Variants in DNAH7 observed in about 807,000 individuals in gnomAD.
DNAH7 encodes the protein axonemal beta dynein heavy chain 7.
In DNAH7, 397 loss-of-function variants were observed where a neutral mutation model predicts 444.6. The ratio of observed to expected loss-of-function variants is 0.89; its 90% CI spans 0.82 to 0.97. DNAH7 has a LOEUF of 0.97. Ranked by LOEUF, DNAH7 falls within the 50% of genes least tolerant of loss-of-function variation. DNAH7 has a pLI of 0.00. For missense variants in DNAH7, 4,902 were observed against 4,800.8 expected, an observed-to-expected ratio of 1.02 and a Z score of -0.62; for synonymous variants, 1,636 against 1,624.4, an observed-to-expected ratio of 1.01 and a Z score of -0.17.
At chr2:195,820,774 A>T (rs1697429797) in intron 49 of DNAH7, among the ~76,000 whole-genome samples, 1 of 152,218 alleles carries the variant, frequency 6.6e-6, no homozygotes, top group African/African-American at 2.4e-5. Flanking sequence ...TAGAATTTTA[A>T]TTCGAATCAT....
In DNAH7 at chr2:195,809,871, C is replaced by T; in HGVS notation, c.9762G>A (p.Arg3254=). The T allele has an allele frequency of 6.5e-7, 1 of 1,543,872 alleles. No homozygotes were observed. The highest frequency in any genetic ancestry group is 2.0e-5 in the Admixed American group (1 of 49,598). ...NSEKSEILAK[R]LQILKDHFTY... is the part of the protein sequence containing the mutation. ...TAAAGTGATCCTTGAGAATCTGAAGCCTAAGGGTCAACAGAAAATAAAGGA... is the reference window on the plus strand; with the variant it reads ...TAAAGTGATCCTTGAGAATCTGAAGTCTAAGGGTCAACAGAAAATAAAGGA... Residue 3254 remains arginine (R), a splice_region_variant and synonymous_variant, in exon 52 of 65, where the codon AGG becomes AGA. Transcript: ENST00000312428.
At chr2:195,907,080 A>C in intron 25 of DNAH7, 71 bp from the exon 26 acceptor site, 1 of 1,192,874 alleles carries the variant, frequency 8.4e-7, no homozygotes, top group Non-Finnish European at 1.2e-6. Flanking sequence ...TTGTATTTTC[A>C]CCTGATCTTT....
At chr2:195,883,339 C>G (rs341950) in intron 35 of DNAH7, among the ~76,000 whole-genome samples, 1 of 151,764 alleles carries the variant, frequency 6.6e-6, no homozygotes, top group Non-Finnish European at 1.5e-5. Flanking sequence ...CCCAGCTACT[C>G]GGAGAGGCTG....
At position 195,777,958 on chromosome 2, in the gene DNAH7, T is replaced by G; in HGVS notation, c.10906A>C (p.Met3636Leu). ...EELPYEALRYMTGECNYGGRV... is the reference protein window; with the variant it reads ...EELPYEALRYLTGECNYGGRV... ...CCTCCGTAATTGCATTCGCCAGTCA[T>G]GTACCGCAGAGCCTCATACGGCAGT... is the stretch of plus-strand genomic sequence containing the variant. Residue 3636 changes from methionine to leucine, a missense_variant, in exon 59 of 65, where the codon ATG becomes CTG. By Grantham distance (15) the Met-to-Leu change is conservative (BLOSUM62 2). Coordinates refer to ENST00000312428, the MANE Select transcript of DNAH7 (RefSeq NM_018897.3). 1 of 1,613,834 alleles carries G rather than the reference T, an allele frequency of 6.2e-7. No homozygotes were observed. Among genetic ancestry groups the G allele is most frequent in the Non-Finnish European group, 8.5e-7 (1 of 1,179,780 alleles).
At chr2:195,785,113 G>A (rs1251377424) in intron 58 of DNAH7, among the ~76,000 whole-genome samples, 2 of 151,958 alleles carry the variant, frequency 1.3e-5, no homozygotes, top group South Asian at 2.1e-4. Context: ...GGGTTTCACC[G>A]TGTTAGTCAG....
chr2:195,846,212 T>TA (rs952239723), intron 46 of DNAH7, among the ~76,000 whole-genome samples: 144 of 152,158 alleles, frequency 9.5e-4, no homozygotes, highest in African/African-American at 3.1e-3. Flanking sequence ...CATGAACAGA[T>TA]ACTTCTCAAC....
In DNAH7 at chr2:195,917,536, G is replaced by A. The variant is rs1030761759; in HGVS notation, c.3935+4552C>T. On this transcript the variant is annotated intron_variant, in intron 24 of 64. Coordinates refer to ENST00000312428, the MANE Select transcript of DNAH7 (RefSeq NM_018897.3). ...TTGTCCACTTGGCCCTCTTCCAAGT[G>A]TACTTTCCTTCCTTTTGTTTCTGCT... Among the ~76,000 whole-genome samples the A allele has an allele frequency of 2.6e-5, 4 of 152,194 alleles. No individual in the cohort carries two copies. In the East Asian group the frequency reaches 5.8e-4, roughly 22 times the overall value.
chr2:195,765,217 T>C (rs147452344), intron 61 of DNAH7, among the ~76,000 whole-genome samples: 135 of 152,148 alleles, frequency 8.9e-4, no homozygotes, highest in African/African-American at 3.2e-3. Flanking sequence ...TCTTGCCATA[T>C]TAAAAAAGTT....
chr2:195,927,750 T>C (rs894890703), intron 21 of DNAH7, among the ~76,000 whole-genome samples: 1 of 151,454 alleles, frequency 6.6e-6, no homozygotes, highest in Non-Finnish European at 1.5e-5. Context: ...CCATATTATA[T>C]ATGATATATA....
chr2:195,879,595 T>C (rs1386127783), intron 36 of DNAH7, among the ~76,000 whole-genome samples: 3 of 152,194 alleles, frequency 2.0e-5, no homozygotes, highest in Non-Finnish European at 4.4e-5. Flanking sequence ...CTACCGCAGA[T>C]AAAATTTCAC....
At position 195,975,001 on chromosome 2, in the gene DNAH7, G is replaced by C. The variant is rs568143814; in HGVS notation, c.1834-2535C>G. Among the ~76,000 whole-genome samples the C allele has an allele frequency of 2.6e-5, 4 of 152,088 alleles. 1 individual carries two copies. In the South Asian group the frequency reaches 8.3e-4, roughly 32 times the overall value. On this transcript the variant is annotated intron_variant, in intron 15 of 64. Coordinates refer to ENST00000312428, the MANE Select transcript of DNAH7 (RefSeq NM_018897.3). ...AAGTTTTGAATGATTTTTATGATTT[G>C]CTGGGCGCACTTAAATACTTTAAAA... is the stretch of plus-strand genomic sequence containing the variant.
chr2:196,068,163 TGTATA>T (rs1698531817), intron 1 of DNAH7, among the ~76,000 whole-genome samples: 1 of 152,234 alleles, frequency 6.6e-6, no homozygotes, highest in South Asian at 2.1e-4. Context: ...AGGCCTTTCA[TGTATA>T]GTATAATATT....
At chr2:195,894,872 A>G (rs1015078196) in intron 30 of DNAH7, 104 bp downstream of exon 30, 19 of 1,143,736 alleles carry the variant, frequency 1.7e-5, no homozygotes, top group Non-Finnish European at 1.7e-5. Context: ...CATTTTTCTC[A>G]TGATTTTAAG....
At chr2:196,064,009 G>A (rs1009134413) in intron 1 of DNAH7, 9 of 152,174 alleles carry the variant, frequency 5.9e-5, no homozygotes, top group African/African-American at 1.7e-4. Context: ...GAAGCTCCAA[G>A]AATGTTTATT....
rs761716266 is a variant in DNAH7, at chr2:195,808,784, G to T, written c.9981C>A (p.Ser3327=). 6.8e-6 allele frequency: 11 copies of T among 1,613,962 alleles called. No homozygotes were observed. Among genetic ancestry groups the T allele is most frequent in the Non-Finnish European group, 9.3e-6 (11 of 1,179,946 alleles). The change falls in exon 53 of 65, where the codon TCC becomes TCA. Residue 3327 remains serine, a synonymous_variant. Transcript: ENST00000312428. ...ANLCTWLPQK[S]WDEICRLDDL... is the part of the protein sequence containing the mutation. ...CATCTAATCGACATATTTCATCCCA[G>T]GATTTCTGAGGAAGCCATGTACAAA...
At chr2:196,065,438 T>C (rs1698377650) in intron 1 of DNAH7, among the ~76,000 whole-genome samples, 1 of 152,224 alleles carries the variant, frequency 6.6e-6, no homozygotes, top group Non-Finnish European at 1.5e-5. Context: ...GAAGATTGCA[T>C]CCATTTATAA....
At chr2:195,768,185 A>G (rs1694673027) in intron 61 of DNAH7, among the ~76,000 whole-genome samples, 1 of 147,778 alleles carries the variant, frequency 6.8e-6, no homozygotes, top group Non-Finnish European at 1.5e-5. Context: ...TTTAATATAT[A>G]TATCTTTTAT....
intron 48 of DNAH7, 24 bp from the exon 49 acceptor site, chr2:195,824,469 T>C (rs769411323): frequency 6.4e-7 from 1 of 1,563,608 alleles, no homozygotes. Context: ...AGAAAAGATT[T>C]CATGTTATTT....
chr2:195,994,332 A>G (rs566415837), intron 12 of DNAH7: 3 of 592,870 alleles, frequency 5.1e-6, no homozygotes, highest in Non-Finnish European at 8.6e-6. Context: ...CTCCTCCCCA[A>G]GGCTCAGGAG....
Sources: gnomAD v4.1 joint callset for allele counts (sites outside exome capture counted in the v4.1 genomes callset) on GRCh38, gnomAD v4.1.1 for gene constraint, MANE v1.5 for transcripts, NCBI Gene and HGNC (gene_info 2026-07-23, HGNC 2026-07-21) for gene names.